Variants in ENTREP2 observed in about 807,000 individuals in gnomAD.
ENTREP2 encodes endosomal transmembrane epsin interactor 2, also known as protein ENTREP2.
At chr15:29,660,101 C>A in the ENTREP2 span, among the ~76,000 whole-genome samples, 9 of 152,192 alleles carry the variant, frequency 5.9e-5, no homozygotes, top group Admixed American at 5.9e-4. Flanking sequence ...CACACCCAGC[C>A]ACCACTATGT....
the ENTREP2 span, among the ~76,000 whole-genome samples, chr15:29,223,698 G>A: frequency 6.6e-6 from 1 of 152,064 alleles, no homozygotes; most frequent in African/African-American, 2.4e-5. Flanking sequence ...CTGTAGTGGC[G>A]CTCCTGGCCA....
At chr15:29,127,836 G>T in the ENTREP2 span, among the ~76,000 whole-genome samples, 4 of 152,226 alleles carry the variant, frequency 2.6e-5, no homozygotes, top group Non-Finnish European at 5.9e-5. Context: ...GAATGCTGCA[G>T]GTGTGGCCGC....
chr15:29,444,820 G>A, the ENTREP2 span, among the ~76,000 whole-genome samples: 254 of 152,296 alleles, frequency 1.7e-3, no homozygotes, highest in African/African-American at 6.0e-3. Flanking sequence ...GCCCTGAGAT[G>A]AAGATGGCTA....
At chr15:29,396,168 T>C in the ENTREP2 span, among the ~76,000 whole-genome samples, 3 of 152,188 alleles carry the variant, frequency 2.0e-5, no homozygotes, top group Non-Finnish European at 4.4e-5. Flanking sequence ...AGCACATTAT[T>C]ATTAAGTATA....
chr15:29,246,572 C>T, the ENTREP2 span, among the ~76,000 whole-genome samples: 1,342 of 151,460 alleles, frequency 8.9e-3, 18 homozygotes, highest in African/African-American at 0.03. Flanking sequence ...TGGTGGCGGG[C>T]GCCTGTAATC....
At chr15:29,667,487 C>CTTTTTT in the ENTREP2 span, among the ~76,000 whole-genome samples, 1 of 104,700 alleles carries the variant, frequency 9.6e-6, no homozygotes, top group Admixed American at 1.1e-4. Context: ...TGCGCCTGGC[C>CTTTTTT]TTTTTTTTTT....
the ENTREP2 span, among the ~76,000 whole-genome samples, chr15:29,426,019 TTA>T: frequency 6.7e-6 from 1 of 150,218 alleles, no homozygotes; most frequent in Non-Finnish European, 1.5e-5. Context: ...ATTATTGAAT[TTA>T]TATAATTATT....
chr15:29,217,341 A>C, the ENTREP2 span, among the ~76,000 whole-genome samples: 2 of 152,212 alleles, frequency 1.3e-5, no homozygotes, highest in African/African-American at 4.8e-5. Context: ...AGATGGAAAC[A>C]AGGCTAGGTG....
At chr15:29,628,048 C>T in the ENTREP2 span, among the ~76,000 whole-genome samples, 532 of 152,220 alleles carry the variant, frequency 3.5e-3, 5 homozygotes, top group African/African-American at 0.012. Context: ...TAACTTTTTG[C>T]ACAACTCAAA....
At chr15:29,586,494 C>T in the ENTREP2 span, among the ~76,000 whole-genome samples, 13 of 152,200 alleles carry the variant, frequency 8.5e-5, no homozygotes, top group Non-Finnish European at 1.3e-4. Context: ...TGTTATTTTT[C>T]TAAAAGACCA....
At chr15:29,242,766 G>C in the ENTREP2 span, among the ~76,000 whole-genome samples, 59 of 152,308 alleles carry the variant, frequency 3.9e-4, 1 homozygote, top group South Asian at 0.011. Context: ...GAGAAAAAGA[G>C]ACAGAATGCT....
the ENTREP2 span, among the ~76,000 whole-genome samples, chr15:29,588,823 C>T: frequency 6.6e-6 from 1 of 151,528 alleles, no homozygotes; most frequent in Non-Finnish European, 1.5e-5. Context: ...CCTGTCTCTA[C>T]AAAAAATACA....
At chr15:29,418,363 G>A in the ENTREP2 span, among the ~76,000 whole-genome samples, 4 of 151,986 alleles carry the variant, frequency 2.6e-5, no homozygotes, top group Non-Finnish European at 5.9e-5. Flanking sequence ...TCCCTTCCTC[G>A]ACCCAGAAGG....
the ENTREP2 span, among the ~76,000 whole-genome samples, chr15:29,612,138 T>G: frequency 1.3e-5 from 2 of 152,250 alleles, no homozygotes; most frequent in Non-Finnish European, 2.9e-5. Context: ...CTTTGCATTG[T>G]TGACCATTGT....
chr15:29,198,018 C>T, the ENTREP2 span, among the ~76,000 whole-genome samples: 7 of 152,224 alleles, frequency 4.6e-5, no homozygotes, highest in East Asian at 3.9e-4. Flanking sequence ...TCAACATGTC[C>T]GCCTCTCCTA....
At chr15:29,375,323 C>T in the ENTREP2 span, 2 of 152,190 alleles carry the variant, frequency 1.3e-5, no homozygotes, top group African/African-American at 2.4e-5. Context: ...TCTTTCATGG[C>T]CTCAGTTTCT....
chr15:29,591,779 G>A, the ENTREP2 span, among the ~76,000 whole-genome samples: 3 of 149,300 alleles, frequency 2.0e-5, no homozygotes, highest in Non-Finnish European at 2.9e-5. Context: ...TTCAAGCATC[G>A]ATCACACCAT....
chr15:29,423,531 T>C, the ENTREP2 span, among the ~76,000 whole-genome samples: 3,436 of 151,708 alleles, frequency 0.023, 141 homozygotes, highest in African/African-American at 0.079. Context: ...CTCACGTCTG[T>C]AATCCCAGCA....
At chr15:29,575,600 T>C in the ENTREP2 span, among the ~76,000 whole-genome samples, 6 of 152,176 alleles carry the variant, frequency 3.9e-5, no homozygotes, top group South Asian at 1.0e-3. Context: ...TGATTTGATA[T>C]ATAGAAAATC....
Sources: gnomAD v4.1 joint callset for allele counts (sites outside exome capture counted in the v4.1 genomes callset) on GRCh38, gnomAD v4.1.1 for gene constraint, MANE v1.5 for transcripts, NCBI Gene and HGNC (gene_info 2026-07-23, HGNC 2026-07-21) for gene names.